TMEM196: variants seen among roughly 807,000 people sequenced by gnomAD.
TMEM196 encodes transmembrane protein 196.
Under a neutral mutation model 20.0 loss-of-function variants are expected in TMEM196, and 17 were observed. The observed-to-expected ratio is 0.85, with a 90% confidence interval of 0.58 to 1.27. The LOEUF (loss-of-function observed/expected upper bound fraction) is 1.27. Ranked by LOEUF, TMEM196 falls within the 50% of genes most tolerant of loss-of-function variation. TMEM196 has a pLI of 0.00. For missense variants in TMEM196, 267 were observed against 223.0 expected, an observed-to-expected ratio of 1.20 and a Z score of -1.26; for synonymous variants, 113 against 88.9, an observed-to-expected ratio of 1.27 and a Z score of -1.52.
intron 1 of TMEM196, among the ~76,000 whole-genome samples, chr7:19,769,656 C>T (rs1022958243): frequency 2.0e-5 from 3 of 152,002 alleles, no homozygotes; most frequent in Admixed American, 6.6e-5. Flanking sequence ...ATTCCCAAGT[C>T]CTGCATCCAT....
chr7:19,762,374 A>G (rs1032445819), intron 1 of TMEM196, among the ~76,000 whole-genome samples: 2 of 152,146 alleles, frequency 1.3e-5, no homozygotes, highest in Admixed American at 1.3e-4. Flanking sequence ...AGAGGGAAGT[A>G]AAAAGGAATG....
At chr7:19,730,602 A>T (rs778981599) in intron 1 of TMEM196, among the ~76,000 whole-genome samples, 8 of 152,354 alleles carry the variant, frequency 5.3e-5, no homozygotes, top group African/African-American at 1.9e-4. Context: ...TTGTTTAATT[A>T]TCTGAAGTCA....
At chr7:19,770,157 T>A (rs1276681783) in intron 1 of TMEM196, among the ~76,000 whole-genome samples, 1 of 152,194 alleles carries the variant, frequency 6.6e-6, no homozygotes. Context: ...CATGGATATT[T>A]CATTGACCAT....
intron 1 of TMEM196, among the ~76,000 whole-genome samples, chr7:19,761,750 G>C (rs1014186817): frequency 6.6e-6 from 1 of 152,204 alleles, no homozygotes; most frequent in South Asian, 2.1e-4. Flanking sequence ...AATAAATTTC[G>C]GAAGAAATCA....
intron 1 of TMEM196, among the ~76,000 whole-genome samples, chr7:19,763,326 T>A (rs1179873431): frequency 6.6e-6 from 1 of 152,172 alleles, no homozygotes; most frequent in Non-Finnish European, 1.5e-5. Flanking sequence ...ATTATTTTAA[T>A]TCCTCAGAAT....
At chr7:19,767,967 G>C (rs1785705091) in intron 1 of TMEM196, among the ~76,000 whole-genome samples, 2 of 152,064 alleles carry the variant, frequency 1.3e-5, no homozygotes, top group South Asian at 2.1e-4. Context: ...CTATAATATA[G>C]ATCAGAATGC....
At chr7:19,766,491 C>T (rs746213999) in intron 1 of TMEM196, among the ~76,000 whole-genome samples, 32 of 150,934 alleles carry the variant, frequency 2.1e-4, no homozygotes, top group African/African-American at 3.6e-4. Flanking sequence ...GTTCCATTTG[C>T]GTGAATAGGA....
intron 1 of TMEM196, among the ~76,000 whole-genome samples, chr7:19,748,481 T>C (rs1784846331): frequency 6.6e-6 from 1 of 152,164 alleles, no homozygotes; most frequent in African/African-American, 2.4e-5. Context: ...ATTTAAGTGA[T>C]TCTGTCCGCT....
chr7:19,766,446 A>G (rs943530694), intron 1 of TMEM196, among the ~76,000 whole-genome samples: 2 of 151,968 alleles, frequency 1.3e-5, no homozygotes, highest in Admixed American at 1.3e-4. Context: ...TTAAATATTT[A>G]GACCAATGCT....
chr7:19,758,389 G>A (rs555615542), intron 1 of TMEM196, among the ~76,000 whole-genome samples: 3 of 152,280 alleles, frequency 2.0e-5, no homozygotes, highest in Admixed American at 2.0e-4. Flanking sequence ...GCTTAGCACT[G>A]CTAATAATTT....
intron 1 of TMEM196, among the ~76,000 whole-genome samples, chr7:19,767,281 G>T (rs546757689): frequency 1.3e-5 from 2 of 151,990 alleles, no homozygotes; most frequent in South Asian, 2.1e-4. Flanking sequence ...CTCTTTTGAC[G>T]CATGGTATGG....
intron 1 of TMEM196, among the ~76,000 whole-genome samples, chr7:19,735,832 T>C (rs773549040): frequency 6.6e-6 from 1 of 152,282 alleles, no homozygotes; most frequent in Non-Finnish European, 1.5e-5. Context: ...ACTGAAATTC[T>C]CTAGTTATTA....
Position 19,719,686 on chromosome 7 carries a change from G to A in TMEM196, c.*2442C>T, listed in dbSNP as rs1026251250. The A allele has an allele frequency of 2.6e-5, 4 of 152,018 alleles. No individual in the cohort carries two copies. The highest frequency in any genetic ancestry group is 4.1e-4 in the South Asian group (2 of 4,830). 9.4% of individuals were successfully genotyped at this position (152,018 alleles called of 1,614,324 possible). The stretch of plus-strand genomic sequence containing the variant: ...TTAAAGTTTCAAGCACTTGAACAAT[G>A]TCTTCCTAACATCCCCCACTTATCT... On this transcript the variant is annotated 3_prime_UTR_variant, in exon 5 of 5. Transcript: ENST00000405844.
chr7:19,725,836 T>A (rs928452186), intron 2 of TMEM196, 68 bp from the exon 3 acceptor site: 2 of 1,490,748 alleles, frequency 1.3e-6, no homozygotes, highest in East Asian at 2.3e-5. Context: ...AGTTGCCCTG[T>A]CCGGCTGCAT....
intron 1 of TMEM196, among the ~76,000 whole-genome samples, chr7:19,737,365 G>C (rs1314077122): frequency 6.6e-6 from 1 of 151,984 alleles, no homozygotes; most frequent in Non-Finnish European, 1.5e-5. Flanking sequence ...GCTACATATA[G>C]GAATAGAAAA....
chr7:19,768,309 G>T (rs1216553300), intron 1 of TMEM196, among the ~76,000 whole-genome samples: 1 of 151,988 alleles, frequency 6.6e-6, no homozygotes, highest in Non-Finnish European at 1.5e-5. Flanking sequence ...GTTAATAGAT[G>T]GATGGAATTT....
At chr7:19,760,977 C>T (rs983885296) in intron 1 of TMEM196, among the ~76,000 whole-genome samples, 9 of 152,304 alleles carry the variant, frequency 5.9e-5, no homozygotes, top group African/African-American at 2.2e-4. Flanking sequence ...TGTCTCATCC[C>T]AACCCAGTGT....
At position 19,773,276 on chromosome 7, in the gene TMEM196, G is replaced by A. The variant is rs1163428766; in HGVS notation, c.-580C>T. On this transcript the variant is annotated 5_prime_UTR_variant, in exon 1 of 5. Coordinates refer to ENST00000405844, the MANE Select transcript of TMEM196 (RefSeq NM_001363562.2). ...AAGTCTCTGGGTCCCCAGGCAGAGC[G>A]GGCGGATGATATTCAGCACCACGCT... 6.6e-6 allele frequency: 1 copy of A among 152,320 alleles called. No individual in the cohort carries two copies. The highest frequency in any genetic ancestry group is 1.5e-5 in the Non-Finnish European group (1 of 68,092). 9.4% of individuals were successfully genotyped at this position (152,320 alleles called of 1,614,324 possible).
intron 1 of TMEM196, among the ~76,000 whole-genome samples, chr7:19,755,668 T>C (rs1056629138): frequency 6.6e-6 from 1 of 152,218 alleles, no homozygotes; most frequent in Non-Finnish European, 1.5e-5. Flanking sequence ...TTCCAGTTTA[T>C]GAATATGCCA....
Sources: allele counts gnomAD v4.1 joint callset (sites outside exome capture counted in the v4.1 genomes callset), GRCh38; gene constraint gnomAD v4.1.1; transcripts MANE v1.5; gene names NCBI Gene and HGNC (gene_info 2026-07-23, HGNC 2026-07-21).